Variants in WASHC4 observed in about 807,000 individuals in gnomAD.
WASHC4 encodes WASH complex subunit 7.
A neutral mutation model predicts 166.6 loss-of-function variants in WASHC4; 86 were observed. That is an observed-to-expected ratio of 0.52 (90% confidence interval 0.43 to 0.62). The LOEUF is 0.62. Ranked by LOEUF, WASHC4 falls within the 20% of genes least tolerant of loss-of-function variation. The pLI is 0.00. For missense variants in WASHC4, 1,262 were observed against 1,382.4 expected, an observed-to-expected ratio of 0.91 and a Z score of 1.38; for synonymous variants, 446 against 451.6, an observed-to-expected ratio of 0.99 and a Z score of 0.16.
intron 13 of WASHC4, among the ~76,000 whole-genome samples, chr12:105,129,055 C>G (rs932581285): frequency 1.3e-5 from 2 of 151,168 alleles, no homozygotes; most frequent in African/African-American, 4.9e-5. Flanking sequence ...ATGTGATTTT[C>G]CTTCCTCAGC....
chr12:105,140,370 A>G lies in WASHC4; in HGVS notation c.1529A>G (p.His510Arg), dbSNP rs1882727896. 2 of 1,613,484 alleles carry G rather than the reference A, an allele frequency of 1.2e-6. No homozygotes were observed. The highest frequency in any genetic ancestry group is 8.5e-7 in the Non-Finnish European group (1 of 1,179,520). Residue 510 changes from histidine to arginine, a missense_variant, in exon 16 of 33, where the codon CAT (histidine) becomes CGT (arginine). By Grantham distance (29) the His-to-Arg change is conservative (BLOSUM62 0). Coordinates refer to ENST00000332180, the MANE Select transcript of WASHC4 (RefSeq NM_015275.3). Reference protein sequence around the residue: ...SVSHITQHLQHQALHSISVAK... With the variant: ...SVSHITQHLQRQALHSISVAK... ...TCACATATAACACAGCACCTTCAAC[A>G]TCAGGCTCTTCATTCTATTTCTGTG...
rs1884853711 is a variant in WASHC4 at position 105,167,082 on chromosome 12, A to C, written c.*151A>C. On this transcript the variant is annotated 3_prime_UTR_variant, in exon 33 of 33. Transcript: ENST00000332180. ...TCTTAAAGGCAGTGCTTTAAAGTGA[A>C]GTTCATTCTGTTTCCAAAGGCTCTA... The C allele has an allele frequency of 1.6e-6, 1 of 640,736 alleles. No individual in the cohort carries two copies. The highest frequency in any genetic ancestry group is 1.8e-5 in the African/African-American group (1 of 54,980). The allele number at this position is 640,736 out of a possible 1,614,324, so 39.7% of individuals were successfully genotyped here.
At position 105,133,853 on chromosome 12, in the gene WASHC4, A is replaced by C; in HGVS notation, c.1283A>C (p.Lys428Thr). Residue 428 changes from lysine to threonine, a missense_variant, in exon 14 of 33, where the codon AAA (lysine) becomes ACA (threonine). Coordinates refer to ENST00000332180, the MANE Select transcript of WASHC4 (RefSeq NM_015275.3). ...TTGTCTAAAGAGCAGAGAATGGATA[A>C]ATTTGCTGAAGATCTCACCAATAGA... ...SILSKEQRMD[K>T]FAEDLTNRCN... The C allele has an allele frequency of 6.2e-7, 1 of 1,612,058 alleles. No individual in the cohort carries two copies. Among genetic ancestry groups the C allele is most frequent in the East Asian group, 2.2e-5 (1 of 44,696 alleles).
intron 15 of WASHC4, among the ~76,000 whole-genome samples, chr12:105,138,568 T>G (rs971650006): frequency 6.6e-6 from 1 of 152,164 alleles, no homozygotes; most frequent in Non-Finnish European, 1.5e-5. Flanking sequence ...CTTAGCTTAC[T>G]TCTGTATTAA....
At chr12:105,125,200 C>A (rs1881168943) in intron 10 of WASHC4, among the ~76,000 whole-genome samples, 1 of 152,074 alleles carries the variant, frequency 6.6e-6, no homozygotes, top group African/African-American at 2.4e-5. Flanking sequence ...GAATAACATG[C>A]TTTTGAAGTG....
Position 105,168,543 on chromosome 12 carries a change from TCTC to T in WASHC4, c.*1615_*1617del, listed in dbSNP as rs1390639938. ...TTCTTCTCTAACTTCTCTGAAATCA[TCTC>T]CTATTAAGGGATAGAAATTGTTACT... is the stretch of plus-strand genomic sequence containing the variant. On this transcript the variant is annotated 3_prime_UTR_variant, in exon 33 of 33. Transcript: ENST00000332180. The T allele has an allele frequency of 6.6e-6, 1 of 152,398 alleles. No individual in the cohort carries two copies. The highest frequency in any genetic ancestry group is 1.9e-4 in the East Asian group (1 of 5,202). The allele number at this position is 152,398 out of a possible 1,614,324, so 9.4% of individuals were successfully genotyped here. A position where few individuals can be genotyped will look rare whatever the true frequency, so the allele number is the denominator to read the frequency against.
intron 1 of WASHC4, among the ~76,000 whole-genome samples, chr12:105,110,483 G>A (rs1879574674): frequency 6.6e-6 from 1 of 152,184 alleles, no homozygotes; most frequent in Admixed American, 6.5e-5. Flanking sequence ...CTATGAATGT[G>A]TTAATTCTGT....
chr12:105,142,484 T>C lies in WASHC4; in HGVS notation c.1819T>C (p.Tyr607His), dbSNP rs1199230155. 1 of 1,610,470 alleles carries C rather than the reference T, an allele frequency of 6.2e-7. No homozygotes were observed. The highest frequency in any genetic ancestry group is 1.7e-5 in the Admixed American group (1 of 59,982). The stretch of plus-strand genomic sequence containing the variant: ...AACACAATGTGACTGTTGTTTTTTA[T>C]ACTGGCATCGAGCTGTCTTCCCAAT... ...VQTQCDCCFL[Y>H]WHRAVFPIYL... Residue 607 changes from tyrosine (Y) to histidine (H), a missense_variant, in exon 19 of 33, where the codon TAC (tyrosine) becomes CAC (histidine). Tyr to His is a moderately conservative substitution (Grantham distance 83). Coordinates refer to ENST00000332180, the MANE Select transcript of WASHC4 (RefSeq NM_015275.3).
At chr12:105,142,344 T>C in intron 18 of WASHC4, 109 bp from the exon 19 acceptor site, 1 of 721,254 alleles carries the variant, frequency 1.4e-6, no homozygotes, top group Non-Finnish European at 2.5e-6. Context: ...ATGTAGGGAA[T>C]GCGAACTGTG....
rs755066743 is a variant in WASHC4 at position 105,143,176 on chromosome 12, GGCA to G, written c.1944_1946del (p.Arg648_His649delinsSer). The G allele has an allele frequency of 6.2e-7, 1 of 1,611,846 alleles. No homozygotes were observed. The highest frequency in any genetic ancestry group is 1.1e-5 in the South Asian group (1 of 90,980). On this transcript the variant is annotated inframe_deletion, in exon 20 of 33. Transcript: ENST00000332180. ...TGTGTACCTGCTATGATGCATGCAA[GGCA>G]TTTAGAGTCCTATGAGATACTTCTG...
At chr12:105,159,569 T>C (rs1168437890) in intron 28 of WASHC4, among the ~76,000 whole-genome samples, 1 of 152,100 alleles carries the variant, frequency 6.6e-6, no homozygotes, top group Non-Finnish European at 1.5e-5. Flanking sequence ...TAGCTGTACA[T>C]GAGGGATGCA....
chr12:105,121,261 A>G (rs1880714959), intron 9 of WASHC4, 57 bp downstream of exon 9: 8 of 1,032,768 alleles, frequency 7.7e-6, no homozygotes, highest in African/African-American at 1.6e-5. Flanking sequence ...TATTTGTGTT[A>G]GTAAAAAGTA....
intron 6 of WASHC4, 105 bp downstream of exon 6, chr12:105,115,833 C>A: frequency 1.3e-6 from 1 of 770,500 alleles, no homozygotes; most frequent in South Asian, 1.4e-5. Flanking sequence ...GATGTGTACT[C>A]TGAGGATAAG....
intron 24 of WASHC4, 36 bp downstream of exon 24, chr12:105,147,182 G>T: frequency 1.7e-6 from 2 of 1,179,126 alleles, no homozygotes; most frequent in South Asian, 1.2e-5. Flanking sequence ...GTGGGTAATA[G>T]ACCCGTTTAA....
intron 7 of WASHC4, among the ~76,000 whole-genome samples, chr12:105,120,003 G>C (rs922846548): frequency 2.6e-5 from 4 of 152,158 alleles, no homozygotes; most frequent in African/African-American, 9.7e-5. Flanking sequence ...GGCAAGAGGC[G>C]GGAGGATAGC....
intron 6 of WASHC4, among the ~76,000 whole-genome samples, chr12:105,117,681 T>C (rs999772016): frequency 6.6e-6 from 1 of 152,228 alleles, no homozygotes; most frequent in African/African-American, 2.4e-5. Context: ...TGCTAGAAAC[T>C]GTTATTGGTG....
rs900529634 is a variant in WASHC4, at chr12:105,166,510, C to T, written c.3455-354C>T. Reference sequence around the variant, plus strand: ...ATGTACTGTAATGGTTCTTTCTTGGCCCAGCTGGAGGAACTGGCGTGAGGG... The same window carrying T: ...ATGTACTGTAATGGTTCTTTCTTGGTCCAGCTGGAGGAACTGGCGTGAGGG... On this transcript the variant is annotated intron_variant, in intron 32 of 32. Coordinates refer to ENST00000332180, the MANE Select transcript of WASHC4 (RefSeq NM_015275.3). Among the ~76,000 whole-genome samples the T allele has an allele frequency of 2.6e-5, 4 of 152,152 alleles. No homozygotes were observed. The East Asian group carries it at 7.7e-4, about 29-fold the overall frequency.
rs755925296 is a variant in WASHC4, at chr12:105,114,231, C to G, written c.217C>G (p.Gln73Glu). ...PIALKLLPYE[Q>E]SSLLELIKTE... ...GTTTCTGTAGCTTTTGCCTTATGAA[C>G]AGTCCTCTCTTTTGGAACTCATAAA... The change falls in exon 3 of 33, where the codon CAG becomes GAG. Residue 73 changes from glutamine to glutamate, a missense_variant. Gln to Glu is a conservative substitution (Grantham distance 29). Coordinates refer to ENST00000332180, the MANE Select transcript of WASHC4 (RefSeq NM_015275.3). The G allele has an allele frequency of 2.5e-6, 4 of 1,609,904 alleles. No individual in the cohort carries two copies. Among genetic ancestry groups the G allele is most frequent in the Non-Finnish European group, 3.4e-6 (4 of 1,177,486 alleles).
intron 14 of WASHC4, among the ~76,000 whole-genome samples, chr12:105,134,949 T>C (rs969892026): frequency 6.6e-6 from 1 of 151,982 alleles, no homozygotes; most frequent in African/African-American, 2.4e-5. Context: ...TCCTCTCTAT[T>C]AGTTTAATTC....
Sources: allele counts gnomAD v4.1 joint callset (sites outside exome capture counted in the v4.1 genomes callset), GRCh38; gene constraint gnomAD v4.1.1; transcripts MANE v1.5; gene names NCBI Gene and HGNC (gene_info 2026-07-23, HGNC 2026-07-21).